Variants in APBB2 observed in about 807,000 individuals in gnomAD.
APBB2 encodes the protein amyloid beta precursor protein binding family B member 2, also known as Fe65-like 1.
A neutral mutation model predicts 82.5 loss-of-function variants in APBB2; 38 were observed. The ratio of observed to expected loss-of-function variants is 0.46; its 90% CI spans 0.36 to 0.60. The LOEUF is 0.60. APBB2 is among the 20% of genes least tolerant of loss of function. The probability of loss-of-function intolerance (pLI) is 0.00; values close to 1 mark genes in which losing one functional copy is unlikely to be tolerated. For missense variants in APBB2, 772 were observed against 972.3 expected (o/e 0.79, Z 2.74); for synonymous variants, 341 against 368.2 (o/e 0.93, Z 0.85).
intron 4 of APBB2, among the ~76,000 whole-genome samples, chr4:41,049,363 C>A (rs199691015): frequency 2.2e-5 from 2 of 88,954 alleles, no homozygotes; most frequent in Non-Finnish European, 4.4e-5. Flanking sequence ...CCGCCCCGTC[C>A]GGGAGGTGGG....
intron 12 of APBB2, among the ~76,000 whole-genome samples, chr4:40,860,687 C>G (rs192570239): frequency 6.6e-6 from 1 of 152,292 alleles, no homozygotes; most frequent in Non-Finnish European, 1.5e-5. Flanking sequence ...TCTAACTTGG[C>G]AGTTTCCCGT....
intron 10 of APBB2, among the ~76,000 whole-genome samples, chr4:40,896,050 C>G (rs555761017): frequency 6.6e-6 from 1 of 151,168 alleles, no homozygotes; most frequent in African/African-American, 2.4e-5. Flanking sequence ...GATAAACAGC[C>G]GGTGACCTCA....
At chr4:40,931,256 C>T (rs573252246) in intron 10 of APBB2, among the ~76,000 whole-genome samples, 1 of 152,292 alleles carries the variant, frequency 6.6e-6, no homozygotes, top group East Asian at 1.9e-4. Context: ...GCAGGAATGA[C>T]TCCGATAGGG....
At chr4:41,063,062 T>C (rs1420983843) in intron 4 of APBB2, among the ~76,000 whole-genome samples, 1 of 152,218 alleles carries the variant, frequency 6.6e-6, no homozygotes, top group Non-Finnish European at 1.5e-5. Context: ...TTTTAACCAC[T>C]GTGAAAGAAC....
At chr4:40,869,244 A>G (rs529089752) in intron 12 of APBB2, among the ~76,000 whole-genome samples, 1 of 152,318 alleles carries the variant, frequency 6.6e-6, no homozygotes, top group East Asian at 1.9e-4. Context: ...ATATATAGCT[A>G]TAATAATCAA....
chr4:41,080,933 G>A (rs766653577), intron 3 of APBB2, among the ~76,000 whole-genome samples: 4 of 152,012 alleles, frequency 2.6e-5, no homozygotes, highest in Non-Finnish European at 5.9e-5. Flanking sequence ...AGATATTTTT[G>A]TATTTTAGGA....
intron 1 of APBB2, among the ~76,000 whole-genome samples, chr4:41,162,709 A>G (rs1381900782): frequency 6.6e-6 from 1 of 152,074 alleles, no homozygotes; most frequent in Non-Finnish European, 1.5e-5. Flanking sequence ...AAACAAAATT[A>G]GCCGGGCAAG....
chr4:41,033,280 C>T lies in APBB2; in HGVS notation c.-26G>A, dbSNP rs772925529. 1 of 1,597,422 alleles carries T rather than the reference C, an allele frequency of 6.3e-7. No homozygotes were observed. The highest frequency in any genetic ancestry group is 1.1e-5 in the South Asian group (1 of 87,914). On this transcript the variant is annotated 5_prime_UTR_variant, in exon 5 of 18. Transcript: ENST00000508593. ...GGATCACCAGGCGTCAGCAATGGTG[C>T]AGGAAATAGGTTATAATTTGAAATC... is the stretch of plus-strand genomic sequence containing the variant.
chr4:40,960,052 T>C (rs780239764), intron 6 of APBB2, among the ~76,000 whole-genome samples: 10 of 152,158 alleles, frequency 6.6e-5, no homozygotes, highest in Admixed American at 2.0e-4. Flanking sequence ...TAAGTGCCCT[T>C]AAAAAAATCA....
chr4:41,119,885 A>G (rs1188724989), intron 2 of APBB2, among the ~76,000 whole-genome samples: 1 of 152,260 alleles, frequency 6.6e-6, no homozygotes, highest in Non-Finnish European at 1.5e-5. Context: ...TGTGATAACA[A>G]GCATCAAAAA....
At chr4:41,124,858 T>TC (rs1753932802) in intron 2 of APBB2, among the ~76,000 whole-genome samples, 1 of 152,238 alleles carries the variant, frequency 6.6e-6, no homozygotes, top group African/African-American at 2.4e-5. Flanking sequence ...CTCACCTAAG[T>TC]ACCTTCAATC....
chr4:41,182,717 G>A (rs1771764761), intron 1 of APBB2, among the ~76,000 whole-genome samples: 1 of 152,148 alleles, frequency 6.6e-6, no homozygotes, highest in Admixed American at 6.5e-5. Context: ...GAAGGTGAAG[G>A]GGAAGCAAGG....
rs188538499 is a variant in APBB2, at chr4:40,916,453, G to A, written c.1254+18003C>T. ...TTCCTAAGATAGTCACTTCCCACCC[G>A]TTCTGCACATGGAGATTGGCAACTG... is the stretch of plus-strand genomic sequence containing the variant. On this transcript the variant is annotated intron_variant, in intron 10 of 17. Coordinates refer to ENST00000508593, the MANE Select transcript of APBB2 (RefSeq NM_004307.2). Among the ~76,000 whole-genome samples, 83 of 152,338 alleles carry A rather than the reference G, an allele frequency of 5.4e-4. 2 individuals carry two copies. Among genetic ancestry groups the A allele is most frequent in the Middle Eastern group, 3.4e-3 (1 of 294 alleles).
chr4:41,208,292 C>T (rs953326140), intron 1 of APBB2, among the ~76,000 whole-genome samples: 1 of 152,178 alleles, frequency 6.6e-6, no homozygotes, highest in Admixed American at 6.5e-5. Flanking sequence ...GACAGAGTCT[C>T]GCCCTTTCAC....
At chr4:41,180,922 T>C (rs530215294) in intron 1 of APBB2, among the ~76,000 whole-genome samples, 66 of 141,022 alleles carry the variant, frequency 4.7e-4, no homozygotes, top group Middle Eastern at 3.5e-3. Flanking sequence ...TGGAGAAGAA[T>C]GAACCCCTGA....
chr4:40,941,737 C>A (rs1298259955), intron 7 of APBB2, among the ~76,000 whole-genome samples: 1 of 152,156 alleles, frequency 6.6e-6, no homozygotes, highest in African/African-American at 2.4e-5. Context: ...TTCAAGTGAT[C>A]TTCCTGCCTC....
intron 1 of APBB2, among the ~76,000 whole-genome samples, chr4:41,149,511 G>A (rs1378629318): frequency 6.2e-5 from 6 of 96,942 alleles, no homozygotes; most frequent in African/African-American, 1.2e-4. Context: ...AGGCACAGGC[G>A]TTAAGATCTA....
chr4:41,190,744 G>C (rs1335323976), intron 1 of APBB2, among the ~76,000 whole-genome samples: 2 of 152,068 alleles, frequency 1.3e-5, no homozygotes, highest in Non-Finnish European at 2.9e-5. Context: ...TAAAAACACG[G>C]CTTGACTCCT....
At chr4:40,920,118 C>A (rs371181816) in intron 10 of APBB2, among the ~76,000 whole-genome samples, 2 of 152,164 alleles carry the variant, frequency 1.3e-5, no homozygotes, top group East Asian at 3.8e-4. Context: ...ATAATTCCCA[C>A]GTATCATGGG....
Sources: gnomAD v4.1 joint callset for allele counts (sites outside exome capture counted in the v4.1 genomes callset) on GRCh38, gnomAD v4.1.1 for gene constraint, MANE v1.5 for transcripts, NCBI Gene and HGNC (gene_info 2026-07-23, HGNC 2026-07-21) for gene names.